Variants in CNP observed in about 807,000 individuals in gnomAD.
CNP encodes 2',3'-cyclic-nucleotide 3'-phosphodiesterase.
A neutral mutation model predicts 37.9 loss-of-function variants in CNP; 8 were observed. The observed-to-expected ratio is 0.21, with a 90% CI of 0.12 to 0.38. The LOEUF is 0.38. Ranked by LOEUF, CNP falls within the 10% of genes least tolerant of loss-of-function variation. The pLI, the probability that CNP is intolerant of heterozygous loss-of-function variation, is 1.00. For missense variants in CNP, 457 were observed against 551.0 expected (o/e 0.83, Z 1.71); for synonymous variants, 237 against 238.3 (o/e 0.99, Z 0.05).
chr17:41,968,562 G>T lies in CNP; in HGVS notation c.498G>T (p.Gln166His), dbSNP rs1836577060. 1.2e-6 allele frequency: 2 copies of T among 1,614,018 alleles called. No homozygotes were observed. Among genetic ancestry groups the T allele is most frequent in the South Asian group, 2.2e-5 (2 of 91,080 alleles). The change falls in exon 2 of 4, where the codon CAG becomes CAT. Residue 166 changes from glutamine to histidine, a missense_variant. Gln to His is a conservative substitution (Grantham distance 24, BLOSUM62 0). This residue lies in a region of CNP where 166 missense variants were observed against 259.3 expected (regional missense o/e 0.64). Coordinates refer to ENST00000393892, the MANE Select transcript of CNP (RefSeq NM_033133.5). The surrounding 1 kb of genome is among the most constrained non-coding windows in gnomAD (Gnocchi z 4.8). Reference sequence around the variant, plus strand: ...GTGCCCAGCTCAAGGAGAAGAACCAGTGGCAGCTGTCGGCTGATGACCTGA... The same window carrying T: ...GTGCCCAGCTCAAGGAGAAGAACCATTGGCAGCTGTCGGCTGATGACCTGA... The part of the protein sequence containing the change: ...LDCAQLKEKN[Q>H]WQLSADDLKK...
At position 41,976,349 on chromosome 17, in the gene CNP, T is replaced by C; in HGVS notation, c.*2425T>C. On this transcript the variant is annotated 3_prime_UTR_variant, in exon 4 of 4. Coordinates refer to ENST00000393892, the MANE Select transcript of CNP (RefSeq NM_033133.5). ...CTAGGCTGGGTGCCCACAGCCCGCA[T>C]GCAGCAGCTTGCTGCACCCCAAGTC... 1 of 235,012 alleles carries C rather than the reference T, an allele frequency of 4.3e-6. No individual in the cohort carries two copies. The highest frequency in any genetic ancestry group is 1.5e-4 in the East Asian group (1 of 6,516). 14.6% of individuals were successfully genotyped at this position (235,012 alleles called of 1,614,324 possible). A position where few individuals can be genotyped will look rare whatever the true frequency, so the allele number is the denominator to read the frequency against.
chr17:41,973,611 C>T lies in CNP; in HGVS notation c.953C>T (p.Ser318Leu), dbSNP rs1555644174. 6.2e-7 allele frequency: 1 copy of T among 1,614,192 alleles called. No individual in the cohort carries two copies. The highest frequency in any genetic ancestry group is 1.1e-5 in the South Asian group (1 of 91,088). Residue 318 changes from serine to leucine, a missense_variant, in exon 4 of 4, where the codon TCA becomes TTA. This residue lies in a region of CNP where 291 missense variants were observed against 291.7 expected (regional missense o/e 1.00). Coordinates refer to ENST00000393892, the MANE Select transcript of CNP (RefSeq NM_033133.5). ...QLWPSDVDKL[S>L]PTDNLPRGSR... ...TGGCCGAGTGATGTGGACAAGCTGT[C>T]ACCCACTGACAACCTGCCGCGGGGG...
chr17:41,969,203 TTAAAAC>T, intron 2 of CNP, among the ~76,000 whole-genome samples: 1 of 152,058 alleles, frequency 6.6e-6, no homozygotes, highest in East Asian at 1.9e-4. Context: ...TGCAAAAAAA[TTAAAAC>T]TAGGACTATT....
chr17:41,972,737 C>G (rs1179446495), intron 3 of CNP, among the ~76,000 whole-genome samples: 1 of 152,184 alleles, frequency 6.6e-6, no homozygotes, highest in African/African-American at 2.4e-5. Flanking sequence ...GTTCCAGCAC[C>G]CTAGCATAGT....
rs1040541821 is a variant in CNP at position 41,974,194 on chromosome 17, G to C, written c.*270G>C. The C allele has an allele frequency of 3.5e-6, 1 of 282,968 alleles. No individual in the cohort carries two copies. The highest frequency in any genetic ancestry group is 2.2e-5 in the African/African-American group (1 of 45,724). The allele number at this position is 282,968 out of a possible 1,614,324, so 17.5% of individuals were successfully genotyped here. A position where few individuals can be genotyped will look rare whatever the true frequency, so the allele number is the denominator to read the frequency against. Reference sequence around the variant, plus strand: ...GACGAGGCTGGGCCAAGCCAGGGATGGGGCCACAGCCAGAACCCCGAGCCC... The same window carrying C: ...GACGAGGCTGGGCCAAGCCAGGGATCGGGCCACAGCCAGAACCCCGAGCCC... On this transcript the variant is annotated 3_prime_UTR_variant, in exon 4 of 4. Transcript: ENST00000393892.
In CNP at chr17:41,977,380, T is replaced by C; in HGVS notation, c.*3456T>C. On this transcript the variant is annotated 3_prime_UTR_variant, in exon 4 of 4. Transcript: ENST00000393892. ...AGAAAAGGTGAAAAATTAGAAATGT[T>C]CGAAGAGAACTGATGACACTGAGAA... is the stretch of plus-strand genomic sequence containing the variant. The C allele has an allele frequency of 6.8e-7, 1 of 1,470,950 alleles. No individual in the cohort carries two copies. The highest frequency in any genetic ancestry group is 1.2e-5 in the South Asian group (1 of 82,282). 91.1% of individuals were successfully genotyped at this position (1,470,950 alleles called of 1,614,324 possible).
chr17:41,972,364 T>G (rs1224289783), intron 3 of CNP, among the ~76,000 whole-genome samples: 1 of 151,904 alleles, frequency 6.6e-6, no homozygotes, highest in African/African-American at 2.4e-5. Context: ...TTCCAAAGAC[T>G]AGGAGTCCTT....
Position 41,974,407 on chromosome 17 carries a change from G to C in CNP, c.*483G>C, listed in dbSNP as rs1453412214. 1.3e-5 allele frequency: 2 copies of C among 153,106 alleles called. No homozygotes were observed. Among genetic ancestry groups the C allele is most frequent in the African/African-American group, 4.8e-5 (2 of 41,470 alleles). 9.5% of individuals were successfully genotyped at this position (153,106 alleles called of 1,614,324 possible). A position where few individuals can be genotyped will look rare whatever the true frequency, so the allele number is the denominator to read the frequency against. The stretch of plus-strand genomic sequence containing the variant: ...GCTCTGAGAAGGGGAGGACCTCTGG[G>C]CTTTGATTCCATCTCCTTGTCTTTT... On this transcript the variant is annotated 3_prime_UTR_variant, in exon 4 of 4. Transcript: ENST00000393892.
In CNP at chr17:41,973,738, A is replaced by G. The variant is rs2051028582; in HGVS notation, c.1080A>G (p.Arg360=). 1 of 1,611,866 alleles carries G rather than the reference A, an allele frequency of 6.2e-7. No homozygotes were observed. Among genetic ancestry groups the G allele is most frequent in the Admixed American group, 1.7e-5 (1 of 59,800 alleles). Residue 360 remains arginine, a synonymous_variant, in exon 4 of 4, where the codon CGA becomes CGG. Transcript: ENST00000393892. ...TGCGGCAGGAGAAGGGGGGCAGCCG[A>G]GGCGAGGAGGTGGGCGAGCTAAGCC... ...EILRQEKGGS[R]GEEVGELSRG...
intron 2 of CNP, chr17:41,971,654 T>A (rs1413489716): frequency 1.1e-5 from 4 of 349,532 alleles, no homozygotes; most frequent in Non-Finnish European, 2.1e-5. Flanking sequence ...CACCTCGGCC[T>A]CCCAGAGTGC....
At chr17:41,972,995 C>T (rs2051012655) in intron 3 of CNP, among the ~76,000 whole-genome samples, 1 of 152,376 alleles carries the variant, frequency 6.6e-6, no homozygotes, top group South Asian at 2.1e-4. Context: ...TGACCTCACC[C>T]TGTCCTCCAG....
chr17:41,967,019 C>T (rs1189967855), intron 1 of CNP, 132 bp downstream of exon 1: 1 of 1,078,382 alleles, frequency 9.3e-7, no homozygotes, highest in East Asian at 3.2e-5. Context: ...TCTTGGTACT[C>T]AGGGCGGCCC....
In CNP at chr17:41,966,906, C is replaced by A; in HGVS notation, c.3+19C>A. The A allele has an allele frequency of 7.5e-7, 1 of 1,339,506 alleles. No individual in the cohort carries two copies. Among genetic ancestry groups the A allele is most frequent in the Non-Finnish European group, 9.6e-7 (1 of 1,046,512 alleles). 83.0% of individuals were successfully genotyped at this position (1,339,506 alleles called of 1,614,324 possible). ...CATCATGGTGAGAGGCCGGGCGGGG[C>A]CGGGCACGGGGTAGCACCAGGGCGG... is the stretch of plus-strand genomic sequence containing the variant. On this transcript the variant is annotated intron_variant, in intron 1 of 3. Coordinates refer to ENST00000393892, the MANE Select transcript of CNP (RefSeq NM_033133.5).
In CNP at chr17:41,974,092, C is replaced by T. The variant is rs2143049530; in HGVS notation, c.*168C>T. ...ATAACTGACCCTCCCTTCCTGTCCG[C>T]CCTCTTCCCCTCTAATGCTCACGCT... On this transcript the variant is annotated 3_prime_UTR_variant, in exon 4 of 4. Transcript: ENST00000393892. 1.8e-6 allele frequency: 1 copy of T among 549,876 alleles called. No homozygotes were observed. Among genetic ancestry groups the T allele is most frequent in the African/African-American group, 1.9e-5 (1 of 51,456 alleles). The allele number at this position is 549,876 out of a possible 1,614,324, so 34.1% of individuals were successfully genotyped here. A position where few individuals can be genotyped will look rare whatever the true frequency, so the allele number is the denominator to read the frequency against.
At chr17:41,973,366 C>A in intron 3 of CNP, 109 bp from the exon 4 acceptor site, 1 of 1,062,578 alleles carries the variant, frequency 9.4e-7, no homozygotes, top group Non-Finnish European at 1.4e-6. Context: ...GCTGTGCTCA[C>A]TTCTGTTAGA....
At position 41,976,584 on chromosome 17, in the gene CNP, C is replaced by T. The variant is rs781890591; in HGVS notation, c.*2660C>T. ...GGCATTGGTTCCCTTTGCTCCACCCCACTCACAGAGACACAGGGCATCCAA... is the reference window on the plus strand; with the variant it reads ...GGCATTGGTTCCCTTTGCTCCACCCTACTCACAGAGACACAGGGCATCCAA... On this transcript the variant is annotated 3_prime_UTR_variant, in exon 4 of 4. Coordinates refer to ENST00000393892, the MANE Select transcript of CNP (RefSeq NM_033133.5). 1 of 998,196 alleles carries T rather than the reference C, an allele frequency of 1.0e-6. No homozygotes were observed. The highest frequency in any genetic ancestry group is 3.1e-5 in the Admixed American group (1 of 32,720). The allele number at this position is 998,196 out of a possible 1,614,324, so 61.8% of individuals were successfully genotyped here.
chr17:41,973,660 C>T lies in CNP; in HGVS notation c.1002C>T (p.Gly334=). 6.2e-7 allele frequency: 1 copy of T among 1,614,050 alleles called. No individual in the cohort carries two copies. Among genetic ancestry groups the T allele is most frequent in the Non-Finnish European group, 8.5e-7 (1 of 1,180,026 alleles). Residue 334 remains glycine, a synonymous_variant, in exon 4 of 4, where the codon GGC becomes GGT. Transcript: ENST00000393892. ...GGAGCCGCGCCCACATCACCCTCGG[C>T]TGTGCAGCTGACGTAGAGGCCGTGC... The part of the protein sequence containing the change: ...PRGSRAHITL[G]CAADVEAVQT...
In CNP at chr17:41,968,002, T is replaced by TA; in HGVS notation, c.4-65dup. 6.4e-7 allele frequency: 1 copy of TA among 1,559,416 alleles called. No homozygotes were observed. Among genetic ancestry groups the TA allele is most frequent in the Non-Finnish European group, 8.7e-7 (1 of 1,150,536 alleles). Reference sequence around the variant, plus strand: ...AGGCACCCACAACCAGTCTAGGGACTAGGGGTAAGGCCGGCGGGGAGCCCG... The same window carrying TA: ...AGGCACCCACAACCAGTCTAGGGACTAAGGGGTAAGGCCGGCGGGGAGCCCG... On this transcript the variant is annotated intron_variant, in intron 1 of 3. Transcript: ENST00000393892. This position sits in a 1 kb window ranked among gnomAD's most constrained non-coding sequence, Gnocchi z 4.8.
chr17:41,973,751 G>A lies in CNP; in HGVS notation c.1093G>A (p.Gly365Ser). Residue 365 changes from glycine to serine, a missense_variant, in exon 4 of 4, where the codon GGC (glycine) becomes AGC (serine). Gly to Ser is a moderately conservative substitution (Grantham distance 56, BLOSUM62 0). This residue lies in a region of CNP where 291 missense variants were observed against 291.7 expected (regional missense o/e 1.00). Coordinates refer to ENST00000393892, the MANE Select transcript of CNP (RefSeq NM_033133.5). ...GGGGGGCAGCCGAGGCGAGGAGGTG[G>A]GCGAGCTAAGCCGGGGCAAGCTCTA... ...EKGGSRGEEV[G>S]ELSRGKLYSL... 1 of 1,612,186 alleles carries A rather than the reference G, an allele frequency of 6.2e-7. No individual in the cohort carries two copies. Among genetic ancestry groups the A allele is most frequent in the Non-Finnish European group, 8.5e-7 (1 of 1,178,930 alleles).
Sources: allele counts gnomAD v4.1 joint callset (sites outside exome capture counted in the v4.1 genomes callset), GRCh38; gene constraint gnomAD v4.1.1; regional missense constraint gnomAD v4.1.1; non-coding constraint Gnocchi (gnomAD v3.1); transcripts MANE v1.5; gene names NCBI Gene and HGNC (gene_info 2026-07-23, HGNC 2026-07-21).